The following PCDHA7 variants were observed in gnomAD, a reference collection of about 807,000 sequenced individuals.
PCDHA7 encodes the protein protocadherin alpha-7.
PCDHA7 carries 37 observed loss-of-function variants against 57.2 expected under a neutral mutation model. That is an observed-to-expected ratio of 0.65 (90% CI 0.50 to 0.85). The LOEUF is 0.85. Among genes scored for constraint, PCDHA7 ranks in the 40% least tolerant of loss-of-function variants. The pLI is 0.00. For synonymous variants in PCDHA7, 553 were observed against 558.8 expected, an observed-to-expected ratio of 0.99 and a Z score of 0.15; for missense variants, 1,188 against 1,241.8, an observed-to-expected ratio of 0.96 and a Z score of 0.65.
chr5:140,876,034 A>G, intron 1 of PCDHA7: 1 of 1,613,792 alleles, frequency 6.2e-7, no homozygotes, highest in Admixed American at 1.7e-5. Flanking sequence ...AAAAAAAGAT[A>G]AAAGTATATT....
intron 3 of PCDHA7, 162 bp downstream of exon 3, chr5:140,982,725 A>G (rs2096999365): frequency 1.1e-6 from 1 of 902,882 alleles, no homozygotes; most frequent in African/African-American, 1.8e-5. Flanking sequence ...GATTATTTTG[A>G]TTTTATACCT....
chr5:140,877,285 G>T lies in PCDHA7; in HGVS notation c.2355+40547G>T, dbSNP rs76220347. 4.6e-3 allele frequency: 7,403 copies of T among 1,613,898 alleles called. 23 individuals carry two copies. Among genetic ancestry groups the T allele is most frequent in the Middle Eastern group, 7.1e-3 (43 of 6,038 alleles). ...GGTGGACGCTGACTCCGGCTATAAC[G>T]CTTGGCTGTCCTACGAGTTGCAACC... On this transcript the variant is annotated intron_variant, in intron 1 of 3. Coordinates refer to ENST00000525929, the MANE Select transcript of PCDHA7 (RefSeq NM_018910.3).
chr5:140,921,098 A>G (rs1007745080), intron 1 of PCDHA7, among the ~76,000 whole-genome samples: 2 of 151,708 alleles, frequency 1.3e-5, no homozygotes, highest in South Asian at 2.1e-4. Context: ...CTCCTGCCTC[A>G]GTCTCCTAAG....
At chr5:140,966,892 C>G (rs782364150) in intron 1 of PCDHA7, 4 of 1,595,414 alleles carry the variant, frequency 2.5e-6, no homozygotes, top group South Asian at 1.1e-5. Flanking sequence ...CTGCGGCCTC[C>G]CAGCTGCGAT....
At chr5:140,851,466 A>C in intron 1 of PCDHA7, 1 of 895,524 alleles carries the variant, frequency 1.1e-6, no homozygotes, top group Non-Finnish European at 1.4e-6. Context: ...AAATTATGTC[A>C]ATAAATGTTA....
At chr5:140,882,936 C>T (rs782513929) in intron 1 of PCDHA7, 5 of 1,614,082 alleles carry the variant, frequency 3.1e-6, no homozygotes, top group Non-Finnish European at 4.2e-6. Flanking sequence ...CCCGAGCTGA[C>T]TGGCACAGTT....
chr5:140,887,496 A>G (rs1351125742), intron 1 of PCDHA7, among the ~76,000 whole-genome samples: 1 of 152,072 alleles, frequency 6.6e-6, no homozygotes, highest in Non-Finnish European at 1.5e-5. Context: ...CATAGTTTCT[A>G]ATAAGATGTT....
At chr5:140,881,224 A>G (rs1254771945) in intron 1 of PCDHA7, 1 of 264,386 alleles carries the variant, frequency 3.8e-6, no homozygotes, top group Non-Finnish European at 5.9e-6. Context: ...TTCTTGGAAA[A>G]TTAAAGTCAA....
intron 1 of PCDHA7, chr5:140,968,130 T>C: frequency 6.2e-7 from 1 of 1,614,114 alleles, no homozygotes; most frequent in Non-Finnish European, 8.5e-7. Flanking sequence ...CTGCGTACAC[T>C]GAAGGTTGAG....
At chr5:140,842,326 C>T (rs1406099374) in intron 1 of PCDHA7, 4 of 1,606,084 alleles carry the variant, frequency 2.5e-6, no homozygotes, top group African/African-American at 1.3e-5. Flanking sequence ...GTCATTGCAC[C>T]GTTTTAGTGA....
intron 1 of PCDHA7, chr5:140,843,512 G>A (rs782010980): frequency 6.3e-7 from 1 of 1,595,964 alleles, no homozygotes; most frequent in Non-Finnish European, 8.6e-7. Flanking sequence ...CACTGAGGGC[G>A]GGTGCCGGGC....
At chr5:141,001,097 T>TC (rs1554257999) in intron 3 of PCDHA7, among the ~76,000 whole-genome samples, 1 of 152,114 alleles carries the variant, frequency 6.6e-6, no homozygotes, top group Non-Finnish European at 1.5e-5. Flanking sequence ...AACTGTCTAA[T>TC]CCATAATAAG....
chr5:140,842,555 G>C, intron 1 of PCDHA7: 2 of 1,465,934 alleles, frequency 1.4e-6, no homozygotes, highest in Non-Finnish European at 1.9e-6. Flanking sequence ...GCTGGACAGC[G>C]CCCTGGACCG....
At position 140,858,087 on chromosome 5, in the gene PCDHA7, G is replaced by C. The variant is rs782702941; in HGVS notation, c.2355+21349G>C. ...AGCCAGGCACCCAAGGCCTCGTCGC[G>C]GGCTTCAGTGGGCGTGGCGCCCGAG... On this transcript the variant is annotated intron_variant, in intron 1 of 3. Transcript: ENST00000525929. The C allele has an allele frequency of 3.8e-6, 6 of 1,597,710 alleles. 1 individual carries two copies. Among genetic ancestry groups the C allele is most frequent in the Non-Finnish European group, 5.1e-6 (6 of 1,167,710 alleles).
At chr5:140,869,394 G>C (rs782128248) in intron 1 of PCDHA7, 1 of 1,614,196 alleles carries the variant, frequency 6.2e-7, no homozygotes, top group Non-Finnish European at 8.5e-7. Context: ...AGCTGTGCGG[G>C]CAGAGCGCGG....
chr5:140,905,130 GT>G (rs1448449678), intron 1 of PCDHA7, among the ~76,000 whole-genome samples: 11 of 152,178 alleles, frequency 7.2e-5, no homozygotes, highest in African/African-American at 2.7e-4. Flanking sequence ...GTCTAGAAGA[GT>G]TTTTCTGCTG....
At chr5:140,909,186 A>G (rs552786721) in intron 1 of PCDHA7, among the ~76,000 whole-genome samples, 1 of 152,336 alleles carries the variant, frequency 6.6e-6, no homozygotes, top group Admixed American at 6.5e-5. Context: ...TCCAAACAAG[A>G]TTATGACACA....
At position 140,856,616 on chromosome 5, in the gene PCDHA7, T is replaced by G. The variant is rs1554148924; in HGVS notation, c.2355+19878T>G. ...TATAAACAAAAAAGACAAAGACAAA[T>G]TCCCAGTGCTTGTTCTGCGGAAGCT... is the stretch of plus-strand genomic sequence containing the variant. On this transcript the variant is annotated intron_variant, in intron 1 of 3. Coordinates refer to ENST00000525929, the MANE Select transcript of PCDHA7 (RefSeq NM_018910.3). The G allele has an allele frequency of 2.5e-6, 4 of 1,597,862 alleles. 1 individual carries two copies. Among genetic ancestry groups the G allele is most frequent in the Non-Finnish European group, 3.4e-6 (4 of 1,167,486 alleles).
chr5:140,871,748 A>T (rs1298018715), intron 1 of PCDHA7: 3 of 637,032 alleles, frequency 4.7e-6, no homozygotes, highest in Non-Finnish European at 7.7e-6. Flanking sequence ...TCCTAAAAGA[A>T]ATGAGATGCA....
Sources: allele counts gnomAD v4.1 joint callset (sites outside exome capture counted in the v4.1 genomes callset), GRCh38; gene constraint gnomAD v4.1.1; transcripts MANE v1.5; gene names NCBI Gene and HGNC (gene_info 2026-07-23, HGNC 2026-07-21).